The following ELAVL4 variants were observed in gnomAD, a reference collection of about 807,000 sequenced individuals.
The protein encoded by ELAVL4 is ELAV-like protein 4.
Under a neutral mutation model 35.6 loss-of-function variants are expected in ELAVL4, and 1 was observed. The ratio of observed to expected loss-of-function variants is 0.03; its 90% CI spans 0.01 to 0.13. The LOEUF is 0.13. ELAVL4 is among the 10% of genes least tolerant of loss of function. The pLI, the probability that ELAVL4 is intolerant of heterozygous loss-of-function variation, is 1.00. For synonymous variants in ELAVL4, 156 were observed against 171.0 expected (o/e 0.91, Z 0.69); for missense variants, 267 against 464.9 (o/e 0.57, Z 3.91).
chr1:50,067,188 C>T (rs542060026), intron 1 of ELAVL4, among the ~76,000 whole-genome samples: 11 of 152,246 alleles, frequency 7.2e-5, no homozygotes, highest in African/African-American at 1.4e-4. Context: ...AGGAAAGAAC[C>T]TTTAAGCTTA....
intron 1 of ELAVL4, among the ~76,000 whole-genome samples, chr1:50,086,564 G>T (rs1665255200): frequency 6.6e-6 from 1 of 151,408 alleles, no homozygotes; most frequent in African/African-American, 2.4e-5. Flanking sequence ...AATATAATAA[G>T]GATGCTTTTT....
In ELAVL4 at chr1:50,203,380, T is replaced by G. The variant is rs943357995; in HGVS notation, c.*2202T>G. ...ACTCCTCCTTTAAATTTTTTTTCTG[T>G]TTTTTTTTCCTCTTTTCGGTTTTGG... On this transcript the variant is annotated 3_prime_UTR_variant, in exon 7 of 7. Coordinates refer to ENST00000371824, the MANE Select transcript of ELAVL4 (RefSeq NM_001144774.3). 20 of 150,766 alleles carry G rather than the reference T, an allele frequency of 1.3e-4. No individual in the cohort carries two copies. Among genetic ancestry groups the G allele is most frequent in the African/African-American group, 4.2e-4 (17 of 40,926 alleles). 9.3% of individuals were successfully genotyped at this position (150,766 alleles called of 1,614,324 possible). A position where few individuals can be genotyped will look rare whatever the true frequency, so the allele number is the denominator to read the frequency against.
At chr1:50,088,914 G>A (rs1470412971) in intron 1 of ELAVL4, among the ~76,000 whole-genome samples, 1 of 48,210 alleles carries the variant, frequency 2.1e-5, no homozygotes, top group Non-Finnish European at 3.9e-5. Flanking sequence ...CCATTCAAAT[G>A]ACTGTGTTGG....
chr1:50,138,500 C>T (rs1672271791), intron 1 of ELAVL4, among the ~76,000 whole-genome samples: 1 of 151,730 alleles, frequency 6.6e-6, no homozygotes, highest in Admixed American at 6.6e-5. Context: ...TGCTCTGTCA[C>T]CCAGGCTGGA....
At chr1:50,099,560 CAAAAA>C (rs750905424), upstream of ELAVL4, among the ~76,000 whole-genome samples, 1 of 56,314 alleles carries the variant, frequency 1.8e-5, no homozygotes, top group Admixed American at 1.9e-4. Flanking sequence ...AACTCCGCCT[CAAAAA>C]AAAAAAAAAA....
intron 3 of ELAVL4, among the ~76,000 whole-genome samples, chr1:50,192,851 TG>T (rs1329261852): frequency 6.6e-6 from 1 of 152,224 alleles, no homozygotes. Flanking sequence ...TAATGACTGC[TG>T]GGGTTTGCTT....
intron 2 of ELAVL4, among the ~76,000 whole-genome samples, chr1:50,163,161 A>C (rs923729270): frequency 2.0e-5 from 3 of 152,068 alleles, no homozygotes; most frequent in Non-Finnish European, 2.9e-5. Context: ...GTTGCCCTTG[A>C]CTGCCTATTG....
At chr1:50,115,637 G>A (rs540236266) in intron 1 of ELAVL4, among the ~76,000 whole-genome samples, 31 of 152,126 alleles carry the variant, frequency 2.0e-4, no homozygotes, top group Non-Finnish European at 1.5e-4. Context: ...AGCGAAGATG[G>A]TGAATTCTGA....
At chr1:50,149,542 CTT>C (rs754451042) in intron 2 of ELAVL4, among the ~76,000 whole-genome samples, 9 of 126,444 alleles carry the variant, frequency 7.1e-5, no homozygotes, top group Middle Eastern at 4.1e-3. Flanking sequence ...ATGCATTGTC[CTT>C]TTTTTTTTTT....
At chr1:50,070,673 G>A (rs929569476) in intron 1 of ELAVL4, among the ~76,000 whole-genome samples, 58 of 150,822 alleles carry the variant, frequency 3.8e-4, no homozygotes, top group African/African-American at 8.1e-4. Context: ...CCCAGGAGGC[G>A]GAGGTTGCAG....
At chr1:50,113,614 T>C (rs919834426) in intron 1 of ELAVL4, among the ~76,000 whole-genome samples, 1 of 152,042 alleles carries the variant, frequency 6.6e-6, no homozygotes, top group African/African-American at 2.4e-5. Flanking sequence ...AATGCAGTAT[T>C]TTTTTCCCAA....
intron 1 of ELAVL4, among the ~76,000 whole-genome samples, chr1:50,140,942 G>A (rs1157492348): frequency 6.6e-6 from 1 of 152,144 alleles, no homozygotes; most frequent in Non-Finnish European, 1.5e-5. Context: ...GACCAGTTGG[G>A]CTGTCTAATC....
upstream of ELAVL4, among the ~76,000 whole-genome samples, chr1:50,101,000 T>TC (rs397747124): frequency 6.6e-6 from 1 of 151,898 alleles, no homozygotes; most frequent in Non-Finnish European, 1.5e-5. Flanking sequence ...TTTTTTTTTT[T>TC]CTGGCAACAA....
At chr1:50,109,918 G>T (rs917606477) in intron 1 of ELAVL4, 69 of 1,612,080 alleles carry the variant, frequency 4.3e-5, no homozygotes, top group Non-Finnish European at 5.0e-5. Flanking sequence ...ACTGTGTGAG[G>T]GTCCATCTTC....
At chr1:50,086,700 T>A (rs995214739) in intron 1 of ELAVL4, among the ~76,000 whole-genome samples, 2 of 152,134 alleles carry the variant, frequency 1.3e-5, no homozygotes, top group African/African-American at 4.8e-5. Context: ...CTTCTTGCTA[T>A]GAGCTTTCCA....
intron 1 of ELAVL4, among the ~76,000 whole-genome samples, chr1:50,072,993 C>T (rs1664599879): frequency 6.6e-6 from 1 of 151,998 alleles, no homozygotes. Flanking sequence ...CCATCTATAC[C>T]CAGTTTCACC....
At chr1:50,136,403 G>A (rs967104702) in intron 1 of ELAVL4, among the ~76,000 whole-genome samples, 2 of 152,042 alleles carry the variant, frequency 1.3e-5, no homozygotes, top group African/African-American at 4.8e-5. Flanking sequence ...AGAGAATTAG[G>A]ACTTTTATTT....
intron 1 of ELAVL4, among the ~76,000 whole-genome samples, chr1:50,087,049 A>G (rs1190453742): frequency 1.3e-5 from 2 of 152,078 alleles, no homozygotes; most frequent in African/African-American, 2.4e-5. Flanking sequence ...GAGTCAATCA[A>G]TTATCTTTTG....
intron 1 of ELAVL4, among the ~76,000 whole-genome samples, chr1:50,057,606 C>T (rs920926795): frequency 7.2e-5 from 11 of 152,160 alleles, no homozygotes; most frequent in African/African-American, 2.7e-4. Context: ...TACACAAATA[C>T]AAGCATTGTG....
Sources: allele counts gnomAD v4.1 joint callset (sites outside exome capture counted in the v4.1 genomes callset), GRCh38; gene constraint gnomAD v4.1.1; transcripts MANE v1.5; gene names NCBI Gene and HGNC (gene_info 2026-07-23, HGNC 2026-07-21).